VEPH1: variants seen among roughly 807,000 people sequenced by gnomAD.
VEPH1 encodes ventricular zone expressed PH domain containing 1, also known as ventricular zone-expressed PH domain-containing protein homolog 1.
Under a neutral mutation model 85.2 loss-of-function variants are expected in VEPH1, and 80 were observed. The ratio of observed to expected loss-of-function variants is 0.94; its 90% CI spans 0.78 to 1.13. VEPH1 has a LOEUF of 1.13. Among genes scored for constraint, VEPH1 ranks in the 50% most tolerant of loss-of-function variants. The pLI is 0.00. For synonymous variants in VEPH1, 297 were observed against 348.0 expected, an observed-to-expected ratio of 0.85 and a Z score of 1.63; for missense variants, 955 against 980.5, an observed-to-expected ratio of 0.97 and a Z score of 0.35.
intron 1 of VEPH1, among the ~76,000 whole-genome samples, chr3:157,502,993 A>G (rs1248896685): frequency 6.6e-6 from 1 of 152,258 alleles, no homozygotes; most frequent in Non-Finnish European, 1.5e-5. Flanking sequence ...AAAAATGCAC[A>G]TGATATGAAT....
At chr3:157,289,595 A>T (rs777447992) in intron 11 of VEPH1, among the ~76,000 whole-genome samples, 10 of 152,250 alleles carry the variant, frequency 6.6e-5, no homozygotes, top group Non-Finnish European at 1.2e-4. Context: ...ACAACCAGTG[A>T]CACCTAGATT....
At chr3:157,410,893 A>C (rs1731483453) in intron 6 of VEPH1, among the ~76,000 whole-genome samples, 1 of 152,182 alleles carries the variant, frequency 6.6e-6, no homozygotes, top group South Asian at 2.1e-4. Context: ...CTGCAACAGC[A>C]ACAGCTGTTT....
intron 12 of VEPH1, among the ~76,000 whole-genome samples, chr3:157,283,035 A>T (rs1716341941): frequency 6.6e-6 from 1 of 152,250 alleles, no homozygotes; most frequent in African/African-American, 2.4e-5. Flanking sequence ...TCCTGCAAGT[A>T]ATAATTTCTC....
intron 4 of VEPH1, among the ~76,000 whole-genome samples, chr3:157,451,655 G>T (rs1358576692): frequency 6.6e-6 from 1 of 152,162 alleles, no homozygotes; most frequent in African/African-American, 2.4e-5. Context: ...GATGCAAATG[G>T]ATGCATATAA....
At chr3:157,482,832 T>C (rs1738248585) in intron 2 of VEPH1, among the ~76,000 whole-genome samples, 1 of 152,164 alleles carries the variant, frequency 6.6e-6, no homozygotes, top group South Asian at 2.1e-4. Context: ...TGTTGTACAT[T>C]GAGTTTTGTA....
chr3:157,453,979 TCAAAGATTTCATTGTCATCGAAAAA>T (rs1735169777), intron 4 of VEPH1, among the ~76,000 whole-genome samples: 1 of 152,218 alleles, frequency 6.6e-6, no homozygotes, highest in Non-Finnish European at 1.5e-5. Flanking sequence ...ACTTTGTGTT[TCAAAGATTTCATTGTCATCGAAAAA>T]GCATTTTTTA....
At chr3:157,289,368 A>G (rs1717191188) in intron 11 of VEPH1, among the ~76,000 whole-genome samples, 1 of 152,234 alleles carries the variant, frequency 6.6e-6, no homozygotes, top group Non-Finnish European at 1.5e-5. Context: ...ACAGATGGTA[A>G]ACTACCTTCC....
intron 5 of VEPH1, among the ~76,000 whole-genome samples, chr3:157,422,147 C>T (rs1469026324): frequency 1.3e-5 from 2 of 152,178 alleles, no homozygotes; most frequent in South Asian, 2.1e-4. Context: ...TGTGTTGCAG[C>T]TTGGCCTGAT....
chr3:157,388,061 T>C (rs990110143), intron 6 of VEPH1, among the ~76,000 whole-genome samples: 9 of 152,228 alleles, frequency 5.9e-5, no homozygotes, highest in African/African-American at 2.2e-4. Context: ...CGGGCATTTG[T>C]ATTTTACACC....
At chr3:157,329,745 A>C (rs1419970095) in intron 9 of VEPH1, among the ~76,000 whole-genome samples, 1 of 152,176 alleles carries the variant, frequency 6.6e-6, no homozygotes, top group African/African-American at 2.4e-5. Flanking sequence ...ACCTTCTAGC[A>C]GTAAATTGGA....
intron 9 of VEPH1, among the ~76,000 whole-genome samples, chr3:157,324,204 C>G (rs139239243): frequency 6.6e-6 from 1 of 152,124 alleles, no homozygotes; most frequent in Admixed American, 6.5e-5. Context: ...TACAGGCATG[C>G]GCCACCATGC....
intron 7 of VEPH1, 144 bp from the exon 8 acceptor site, chr3:157,364,656 G>T (rs1726435211): frequency 2.7e-6 from 2 of 733,314 alleles, no homozygotes; most frequent in Admixed American, 6.1e-5. Flanking sequence ...AGTATTTACT[G>T]CAGGCATAGG....
intron 6 of VEPH1, among the ~76,000 whole-genome samples, chr3:157,405,714 A>G (rs1180847974): frequency 6.6e-6 from 1 of 152,150 alleles, no homozygotes; most frequent in Non-Finnish European, 1.5e-5. Flanking sequence ...CCAAACTTAT[A>G]ATGCTCTCCT....
At chr3:157,486,545 T>A (rs566405345) in intron 2 of VEPH1, among the ~76,000 whole-genome samples, 1 of 151,786 alleles carries the variant, frequency 6.6e-6, no homozygotes, top group South Asian at 2.1e-4. Context: ...TGAACTCACA[T>A]TCTGGGCTTG....
Position 157,265,591 on chromosome 3 carries a change from T to G in VEPH1, c.2200A>C (p.Lys734Gln). 6.2e-7 allele frequency: 1 copy of G among 1,613,850 alleles called. No homozygotes were observed. Among genetic ancestry groups the G allele is most frequent in the East Asian group, 2.2e-5 (1 of 44,856 alleles). Residue 734 changes from lysine (K) to glutamine (Q), a missense_variant, in exon 13 of 14, where the codon AAA becomes CAA. Lys to Gln is a moderately conservative substitution (Grantham distance 53). Coordinates refer to ENST00000362010, the MANE Select transcript of VEPH1 (RefSeq NM_001167912.2). ...KEKQVRWKFI[K>Q]RWKTRYFTLA... ...GTAAAATAGCGTGTTTTCCACCTTT[T>G]GATGAACTTCCATCTGACTTGCTTC...
intron 7 of VEPH1, among the ~76,000 whole-genome samples, chr3:157,377,340 AG>A (rs1481671054): frequency 6.6e-6 from 1 of 151,494 alleles, no homozygotes; most frequent in East Asian, 1.9e-4. Context: ...AAAAAAAAAA[AG>A]ATATTTAAAA....
intron 7 of VEPH1, among the ~76,000 whole-genome samples, chr3:157,377,035 A>G (rs528269961): frequency 6.6e-6 from 1 of 152,326 alleles, no homozygotes; most frequent in East Asian, 1.9e-4. Flanking sequence ...CAAGGAAAAG[A>G]TGTTGGGAGA....
At chr3:157,391,116 C>T (rs1245881146) in intron 6 of VEPH1, among the ~76,000 whole-genome samples, 4 of 152,230 alleles carry the variant, frequency 2.6e-5, no homozygotes, top group South Asian at 2.1e-4. Flanking sequence ...TGCCGTTCCA[C>T]GCCTGTCTCA....
chr3:157,299,390 C>A (rs758378687), intron 11 of VEPH1, among the ~76,000 whole-genome samples: 48 of 151,610 alleles, frequency 3.2e-4, no homozygotes, highest in Middle Eastern at 3.4e-3. Context: ...GAAACCCTGC[C>A]TCTACAAAAA....
Sources: allele counts gnomAD v4.1 joint callset (sites outside exome capture counted in the v4.1 genomes callset), GRCh38; gene constraint gnomAD v4.1.1; transcripts MANE v1.5; gene names NCBI Gene and HGNC (gene_info 2026-07-23, HGNC 2026-07-21).